Variants in SORBS2 observed in about 807,000 individuals in gnomAD.
SORBS2 encodes sorbin and SH3 domain containing 2, also known as sorbin and SH3 domain-containing protein 2.
SORBS2 carries 46 observed loss-of-function variants against 97.7 expected under a neutral mutation model. That is an observed-to-expected ratio of 0.47 (90% CI 0.37 to 0.60). The LOEUF (loss-of-function observed/expected upper bound fraction) is 0.60, where lower values mean the gene tolerates loss of function less well. SORBS2 is among the 20% of genes least tolerant of loss of function. SORBS2 has a pLI of 0.00. For synonymous variants in SORBS2, 476 were observed against 473.4 expected, an observed-to-expected ratio of 1.01 and a Z score of -0.07; for missense variants, 1,316 against 1,282.3, an observed-to-expected ratio of 1.03 and a Z score of -0.40.
At chr4:185,892,753 T>C (rs980201307) in intron 1 of SORBS2, among the ~76,000 whole-genome samples, 1 of 152,202 alleles carries the variant, frequency 6.6e-6, no homozygotes, top group Non-Finnish European at 1.5e-5. Context: ...AGAATGGTGG[T>C]TGCCAGAGGC....
chr4:185,595,793 A>G (rs572349796), intron 12 of SORBS2, among the ~76,000 whole-genome samples: 1 of 151,862 alleles, frequency 6.6e-6, no homozygotes, highest in Non-Finnish European at 1.5e-5. Flanking sequence ...CATAAACAGC[A>G]ATGCTATACA....
Position 185,739,142 on chromosome 4 carries a change from C to T in SORBS2, c.-198+36085G>A, listed in dbSNP as rs563333710. On this transcript the variant is annotated intron_variant, in intron 2 of 20. Transcript: ENST00000284776. ...ATCTTGCTGCTGGATAAAGCATAGGCACATAGGAACACTGAAAAATAGCAA... is the reference window on the plus strand; with the variant it reads ...ATCTTGCTGCTGGATAAAGCATAGGTACATAGGAACACTGAAAAATAGCAA... 2.0e-5 allele frequency among the ~76,000 whole-genome samples: 3 copies of T among 152,332 alleles called. No homozygotes were observed. The South Asian group carries it at 6.2e-4, about 32-fold the overall frequency.
chr4:185,630,569 T>C, exon 5 of SORBS2: 1 of 1,599,050 alleles, frequency 6.3e-7, no homozygotes, highest in African/African-American at 1.3e-5. Context: ...TTTCCAGGCT[T>C]CTGTCTATAG....
At chr4:185,612,019 T>G (rs765493458) in intron 11 of SORBS2, 39 bp from the exon 24 acceptor site, 3 of 1,267,636 alleles carry the variant, frequency 2.4e-6, no homozygotes, top group Non-Finnish European at 3.4e-6. Context: ...GAAACAGAGA[T>G]AGAATAACAT....
At position 185,748,550 on chromosome 4, in the gene SORBS2, C is replaced by A. The variant is rs914551108; in HGVS notation, c.-198+26677G>T. ...CAGCCTCCACAGGATGCCAGCTTAG[C>A]AAGGGAGGCCTCACGAGCAATTTTA... On this transcript the variant is annotated intron_variant, in intron 2 of 20. Coordinates refer to the SORBS2 transcript ENST00000284776. Among the ~76,000 whole-genome samples, 119 of 152,182 alleles carry A rather than the reference C, an allele frequency of 7.8e-4. 1 individual carries two copies. Among genetic ancestry groups the A allele is most frequent in the Non-Finnish European group, 1.0e-4 (7 of 68,030 alleles).
chr4:185,768,202 C>T (rs1030282518), intron 2 of SORBS2, among the ~76,000 whole-genome samples: 12 of 152,144 alleles, frequency 7.9e-5, no homozygotes, highest in Non-Finnish European at 8.8e-5. Context: ...GCCTGTGGCA[C>T]GGCTCCTTGC....
intron 2 of SORBS2, among the ~76,000 whole-genome samples, chr4:185,759,381 G>T (rs1437612331): frequency 6.6e-6 from 1 of 152,172 alleles, no homozygotes; most frequent in Non-Finnish European, 1.5e-5. Context: ...TACATGTGAG[G>T]GTAAGGTGCT....
chr4:185,751,360 CTGAGACAAAGCGAGA>C (rs2098799437), intron 2 of SORBS2, among the ~76,000 whole-genome samples: 1 of 151,880 alleles, frequency 6.6e-6, no homozygotes, highest in Non-Finnish European at 1.5e-5. Flanking sequence ...ACGAGACAGG[CTGAGACAAAGCGAGA>C]TGAGACAAAG....
At chr4:185,633,680 G>GA (rs1314272103) in intron 4 of SORBS2, among the ~76,000 whole-genome samples, 9 of 151,892 alleles carry the variant, frequency 5.9e-5, no homozygotes, top group African/African-American at 1.9e-4. Context: ...TGAAAAGTGT[G>GA]ATATAAAGGA....
rs1178277618 is a variant in SORBS2, at chr4:185,615,069, G to A, written c.2442C>T (p.Gly814=). The A allele has an allele frequency of 1.9e-6, 3 of 1,613,584 alleles. No individual in the cohort carries two copies. The South Asian group carries it at 3.3e-5, about 18-fold the overall frequency. Reference sequence around the variant, plus strand: ...CCTCTACGTATGAGATCGGGAAGATGCCCACTCTCCCGTGGTGTTCTCCCT... The same window carrying A: ...CCTCTACGTATGAGATCGGGAAGATACCCACTCTCCCGTGGTGTTCTCCCT... Residue 814 remains glycine, a synonymous_variant, in exon 10 of 15, where the codon GGC becomes GGT. Transcript: ENST00000418609.
chr4:185,807,714 CAGAAATAATACAGAAAAA>C, intron 1 of SORBS2, among the ~76,000 whole-genome samples: 1 of 152,186 alleles, frequency 6.6e-6, no homozygotes, highest in Non-Finnish European at 1.5e-5. Context: ...TTGAGTTTTT[CAGAAATAATACAGAAAAA>C]CATATTTTGA....
chr4:185,933,247 C>T (rs2099267324), intron 1 of SORBS2: 1 of 152,202 alleles, frequency 6.6e-6, no homozygotes, highest in South Asian at 2.1e-4. Flanking sequence ...ACCCAGTGAT[C>T]TCATGTCTAC....
At chr4:185,920,059 C>CA (rs1452592622) in intron 1 of SORBS2, among the ~76,000 whole-genome samples, 4 of 152,014 alleles carry the variant, frequency 2.6e-5, no homozygotes, top group African/African-American at 7.2e-5. Context: ...TCTCATTTGA[C>CA]AAAAAAATTA....
chr4:185,723,830 G>C (rs1211228182), intron 2 of SORBS2, among the ~76,000 whole-genome samples: 1 of 152,178 alleles, frequency 6.6e-6, no homozygotes, highest in Non-Finnish European at 1.5e-5. Flanking sequence ...GGGCTCATAA[G>C]GGAATAAGGA....
intron 1 of SORBS2, among the ~76,000 whole-genome samples, chr4:185,860,438 A>G (rs973416896): frequency 6.6e-6 from 1 of 152,236 alleles, no homozygotes; most frequent in Non-Finnish European, 1.5e-5. Context: ...AGGGCCTCAC[A>G]TGGAACTGGC....
chr4:185,834,468 C>T (rs572614468), intron 1 of SORBS2, among the ~76,000 whole-genome samples: 20 of 151,838 alleles, frequency 1.3e-4, no homozygotes, highest in African/African-American at 4.8e-4. Flanking sequence ...AAAAATATAC[C>T]CTACCTACTC....
chr4:185,889,542 A>G (rs1303763418), intron 1 of SORBS2, among the ~76,000 whole-genome samples: 1 of 151,992 alleles, frequency 6.6e-6, no homozygotes, highest in African/African-American at 2.4e-5. Flanking sequence ...TGGCCTGCAT[A>G]TTGGATATCT....
At position 185,768,708 on chromosome 4, in the gene SORBS2, A is replaced by AC. The variant is rs1560905072; in HGVS notation, c.-198+6518_-198+6519insG. On this transcript the variant is annotated intron_variant, in intron 2 of 20. Coordinates refer to the SORBS2 transcript ENST00000284776. ...AGTGAGACTCTGTCTCAAAAAAAAA[A>AC]AAACAAAAAAACAAAAAAAAATGCA... is the stretch of plus-strand genomic sequence containing the variant. 3.9e-5 allele frequency among the ~76,000 whole-genome samples: 4 copies of AC among 102,644 alleles called. No individual in the cohort carries two copies. In the East Asian group the frequency reaches 6.8e-4, roughly 17 times the overall value. 67.3% of individuals were successfully genotyped at this position (102,644 alleles called of 152,430 possible).
chr4:185,665,614 T>C (rs6822552), intron 4 of SORBS2: 156,465 of 284,468 alleles, frequency 0.55, 46,641 homozygotes, highest in Non-Finnish European at 0.65. Context: ...ACAGATGGCA[T>C]AGAATTGGTT....
Sources: allele counts gnomAD v4.1 joint callset (sites outside exome capture counted in the v4.1 genomes callset), GRCh38; gene constraint gnomAD v4.1.1; transcripts MANE v1.5; gene names NCBI Gene and HGNC (gene_info 2026-07-23, HGNC 2026-07-21).